Variants in TGFB1 observed in about 807,000 individuals in gnomAD.
The protein encoded by TGFB1 is transforming growth factor beta 1.
A neutral mutation model predicts 43.8 loss-of-function variants in TGFB1; 19 were observed. The observed-to-expected ratio is 0.43, with a 90% CI of 0.30 to 0.64. The LOEUF is 0.64. Ranked by LOEUF, TGFB1 falls within the 30% of genes least tolerant of loss-of-function variation. The pLI is 0.11. For missense variants in TGFB1, 445 were observed against 529.8 expected (o/e 0.84, Z 1.57); for synonymous variants, 221 against 236.3 (o/e 0.94, Z 0.60).
In TGFB1 at chr19:41,348,431, C is replaced by T. The variant is rs2038142618; in HGVS notation, c.380G>A (p.Ser127Asn). ...HNEIYDKFKQ[S>N]THSIYMFFNT... ...GAAGAACATATATATGCTGTGTGTACTCTGCTTGAACTTGTCATAGATTTC... is the reference window on the plus strand; with the variant it reads ...GAAGAACATATATATGCTGTGTGTATTCTGCTTGAACTTGTCATAGATTTC... Residue 127 changes from serine to asparagine, a missense_variant, in exon 2 of 7, where the codon AGT becomes AAT. This residue lies in a region of TGFB1 where 366 missense variants were observed against 428.8 expected (regional missense o/e 0.85). Coordinates refer to ENST00000221930, the MANE Select transcript of TGFB1 (RefSeq NM_000660.7). 6.2e-7 allele frequency: 1 copy of T among 1,613,242 alleles called. No homozygotes were observed.
chr19:41,347,627 A>G (rs1319350289), intron 2 of TGFB1, among the ~76,000 whole-genome samples: 1 of 152,082 alleles, frequency 6.6e-6, no homozygotes, highest in African/African-American at 2.4e-5. Context: ...CAGGAGTTTG[A>G]GACAAGCCTG....
chr19:41,330,943 G>C lies in TGFB1; in HGVS notation c.*109C>G. On this transcript the variant is annotated 3_prime_UTR_variant, in exon 7 of 7. Coordinates refer to ENST00000221930, the MANE Select transcript of TGFB1 (RefSeq NM_000660.7). Reference sequence around the variant, plus strand: ...CTCTCCATCTTTAATGGGGCCCCAGGTGGGCTTGGGGCACGGGTGTCCTTA... The same window carrying C: ...CTCTCCATCTTTAATGGGGCCCCAGCTGGGCTTGGGGCACGGGTGTCCTTA... The C allele has an allele frequency of 1.8e-6, 2 of 1,081,232 alleles. No homozygotes were observed. Among genetic ancestry groups the C allele is most frequent in the Non-Finnish European group, 1.3e-6 (1 of 796,636 alleles). The allele number at this position is 1,081,232 out of a possible 1,614,324, so 67.0% of individuals were successfully genotyped here. A position where few individuals can be genotyped will look rare whatever the true frequency, so the allele number is the denominator to read the frequency against.
At position 41,352,995 on chromosome 19, in the gene TGFB1, C is replaced by CACAGCAGCG; in HGVS notation, c.41_49dup (p.Leu16_Trp17insSerLeuLeu). 6.5e-7 allele frequency: 1 copy of CACAGCAGCG among 1,538,050 alleles called. No homozygotes were observed. Among genetic ancestry groups the CACAGCAGCG allele is most frequent in the Non-Finnish European group, 8.7e-7 (1 of 1,145,902 alleles). On this transcript the variant is annotated inframe_insertion, in exon 1 of 7. Coordinates refer to ENST00000221930, the MANE Select transcript of TGFB1 (RefSeq NM_000660.7). ...CCGGCCAGGCGTCAGCACCAGTAGC[C>CACAGCAGCG]ACAGCAGCGGTAGCAGCAGCGGCAG...
At chr19:41,332,427 TAAC>T (rs1264384635) in intron 5 of TGFB1, 146 bp from the exon 6 acceptor site, 15 of 824,882 alleles carry the variant, frequency 1.8e-5, no homozygotes, top group Non-Finnish European at 2.6e-5. Flanking sequence ...ACTGTGTTAA[TAAC>T]AACACAAATA....
chr19:41,340,583 C>CT (rs2038044566), intron 5 of TGFB1, among the ~76,000 whole-genome samples: 1 of 152,070 alleles, frequency 6.6e-6, no homozygotes, highest in South Asian at 2.1e-4. Flanking sequence ...GCCCAGCCTG[C>CT]TGCCACTTTC....
chr19:41,338,623 G>C (rs975248224), intron 5 of TGFB1, among the ~76,000 whole-genome samples: 15 of 151,942 alleles, frequency 9.9e-5, no homozygotes, highest in Admixed American at 8.5e-4. Flanking sequence ...CGGATTGCCT[G>C]ACCTCAGGAG....
At chr19:41,338,560 C>T (rs545798675) in intron 5 of TGFB1, among the ~76,000 whole-genome samples, 73 of 151,558 alleles carry the variant, frequency 4.8e-4, no homozygotes, top group African/African-American at 1.6e-3. Flanking sequence ...ATTATTCGGC[C>T]GGGAGCAGTG....
intron 1 of TGFB1, among the ~76,000 whole-genome samples, chr19:41,352,304 C>G (rs2038210829): frequency 6.6e-6 from 1 of 151,794 alleles, no homozygotes; most frequent in Non-Finnish European, 1.5e-5. Context: ...CTTCGCTTCT[C>G]CCACACCAGG....
chr19:41,343,735 G>A (rs1288011654), intron 3 of TGFB1, among the ~76,000 whole-genome samples: 26 of 152,166 alleles, frequency 1.7e-4, no homozygotes. Flanking sequence ...GCAGAACTGA[G>A]GGCTGTCTTG....
chr19:41,352,823 G>A lies in TGFB1; in HGVS notation c.222C>T (p.Pro74=), dbSNP rs149455461. The A allele has an allele frequency of 6.3e-7, 1 of 1,591,486 alleles. No homozygotes were observed. The highest frequency in any genetic ancestry group is 8.5e-7 in the Non-Finnish European group (1 of 1,169,884). Residue 74 remains proline (P), a synonymous_variant, in exon 1 of 7, where the codon CCC becomes CCT. Coordinates refer to ENST00000221930, the MANE Select transcript of TGFB1 (RefSeq NM_000660.7). ...SQGEVPPGPL[P]EAVLALYNST... ...TGTTGTACAGGGCGAGCACGGCCTC[G>A]GGCAGCGGGCCGGGCGGCACCTCCC...
intron 5 of TGFB1, among the ~76,000 whole-genome samples, chr19:41,340,198 A>G (rs2038038917): frequency 6.6e-6 from 1 of 151,216 alleles, no homozygotes; most frequent in South Asian, 2.1e-4. Context: ...TTGCATCCCA[A>G]CATTCCAAAG....
At chr19:41,332,074 C>T (rs2037938018) in intron 6 of TGFB1, 54 bp downstream of exon 6, 23 of 1,582,716 alleles carry the variant, frequency 1.5e-5, no homozygotes, top group Non-Finnish European at 2.0e-5. Flanking sequence ...CTCTCCTCTT[C>T]CTCCGTCCTG....
At position 41,330,854 on chromosome 19, in the gene TGFB1, G is replaced by GT. The variant is rs1266539840; in HGVS notation, c.*197dup. Reference sequence around the variant, plus strand: ...AGAGAGGGAGAGAGAGGGAGTGGGAGTGGGGGAACGTCAGGGATGGAGACC... The same window carrying GT: ...AGAGAGGGAGAGAGAGGGAGTGGGAGTTGGGGGAACGTCAGGGATGGAGACC... On this transcript the variant is annotated 3_prime_UTR_variant, in exon 7 of 7. Transcript: ENST00000221930. 1.9e-6 allele frequency: 1 copy of GT among 527,896 alleles called. No individual in the cohort carries two copies. Among genetic ancestry groups the GT allele is most frequent in the African/African-American group, 2.0e-5 (1 of 48,928 alleles). The allele number at this position is 527,896 out of a possible 1,614,324, so 32.7% of individuals were successfully genotyped here. A position where few individuals can be genotyped will look rare whatever the true frequency, so the allele number is the denominator to read the frequency against.
intron 5 of TGFB1, among the ~76,000 whole-genome samples, chr19:41,336,796 A>G (rs1488397915): frequency 6.6e-6 from 1 of 152,140 alleles, no homozygotes; most frequent in Non-Finnish European, 1.5e-5. Context: ...TCACAATACC[A>G]TGTAAGAAAA....
chr19:41,346,871 G>T (rs948688469), intron 2 of TGFB1, among the ~76,000 whole-genome samples: 1 of 150,686 alleles, frequency 6.6e-6, no homozygotes, highest in Non-Finnish European at 1.5e-5. Flanking sequence ...GATTACAGGT[G>T]CCTGCCACCA....
chr19:41,351,295 C>T (rs1175210618), intron 1 of TGFB1: 1 of 152,296 alleles, frequency 6.6e-6, no homozygotes, highest in Non-Finnish European at 1.5e-5. Context: ...GCCCACACCG[C>T]CCAAGAGTCA....
At position 41,348,437 on chromosome 19, in the gene TGFB1, T is replaced by G; in HGVS notation, c.374A>C (p.Lys125Thr). ...CATATATATGCTGTGTGTACTCTGCTTGAACTTGTCATAGATTTCTAGCAG... is the reference window on the plus strand; with the variant it reads ...CATATATATGCTGTGTGTACTCTGCGTGAACTTGTCATAGATTTCTAGCAG... ...ETHNEIYDKF[K>T]QSTHSIYMFF... Residue 125 changes from lysine to threonine, a missense_variant, in exon 2 of 7, where the codon AAG (lysine) becomes ACG (threonine). Coordinates refer to ENST00000221930, the MANE Select transcript of TGFB1 (RefSeq NM_000660.7). 1 of 1,613,358 alleles carries G rather than the reference T, an allele frequency of 6.2e-7. No individual in the cohort carries two copies. The highest frequency in any genetic ancestry group is 8.5e-7 in the Non-Finnish European group (1 of 1,179,652).
chr19:41,345,738 C>A (rs1342627440), intron 2 of TGFB1, among the ~76,000 whole-genome samples: 3 of 151,432 alleles, frequency 2.0e-5, no homozygotes, highest in Middle Eastern at 3.5e-3. Flanking sequence ...CTCGTCTCTA[C>A]TAAAAATACA....
At chr19:41,342,767 T>G (rs1236101191) in intron 3 of TGFB1, among the ~76,000 whole-genome samples, 1 of 152,114 alleles carries the variant, frequency 6.6e-6, no homozygotes, top group Non-Finnish European at 1.5e-5. Flanking sequence ...CCGCCTGCCT[T>G]GGCATCCCAA....
Sources: allele counts gnomAD v4.1 joint callset (sites outside exome capture counted in the v4.1 genomes callset), GRCh38; gene constraint gnomAD v4.1.1; regional missense constraint gnomAD v4.1.1; transcripts MANE v1.5; gene names NCBI Gene and HGNC (gene_info 2026-07-23, HGNC 2026-07-21).